RBMS3: variants seen among roughly 807,000 people sequenced by gnomAD.
The protein encoded by RBMS3 is RNA binding motif single stranded interacting protein 3.
RBMS3 carries 27 observed loss-of-function variants against 66.8 expected under a neutral mutation model. The observed-to-expected ratio is 0.40, with a 90% CI of 0.30 to 0.56. The LOEUF is 0.56. RBMS3 is among the 20% of genes least tolerant of loss of function. The pLI is 0.40. For missense variants in RBMS3, 513 were observed against 549.5 expected, an observed-to-expected ratio of 0.93 and a Z score of 0.66; for synonymous variants, 188 against 183.0, an observed-to-expected ratio of 1.03 and a Z score of -0.22.
chr3:29,718,373 A>G (rs1576606542), intron 4 of RBMS3, among the ~76,000 whole-genome samples: 1 of 152,076 alleles, frequency 6.6e-6, no homozygotes, highest in Middle Eastern at 3.4e-3. Context: ...ATTTTAGTGC[A>G]TTAAGTTTAT....
intron 1 of RBMS3, among the ~76,000 whole-genome samples, chr3:29,292,748 G>T (rs2032924646): frequency 6.6e-6 from 1 of 151,760 alleles, no homozygotes; most frequent in Admixed American, 6.6e-5. Flanking sequence ...AAAATAAAGA[G>T]AAGAAAGAGA....
intron 4 of RBMS3, chr3:29,614,369 G>A (rs866715446): frequency 6.6e-6 from 1 of 152,048 alleles, no homozygotes; most frequent in South Asian, 2.1e-4. Context: ...TTATTGACAA[G>A]AGAAATAAGT....
chr3:29,436,090 T>C (rs2041394045), intron 2 of RBMS3, among the ~76,000 whole-genome samples: 1 of 152,262 alleles, frequency 6.6e-6, no homozygotes, highest in Non-Finnish European at 1.5e-5. Context: ...TGTGTATTTT[T>C]AAATTTTAAA....
chr3:29,865,920 G>A (rs1230279924), intron 6 of RBMS3, among the ~76,000 whole-genome samples: 3 of 152,058 alleles, frequency 2.0e-5, no homozygotes, highest in South Asian at 2.1e-4. Context: ...TGTGTGACCC[G>A]TAGCGAGCCA....
intron 4 of RBMS3, among the ~76,000 whole-genome samples, chr3:29,651,565 A>G (rs1023321434): frequency 2.6e-5 from 4 of 152,186 alleles, no homozygotes; most frequent in Non-Finnish European, 4.4e-5. Flanking sequence ...AAGAAAACAT[A>G]CAAGTGTACA....
intron 4 of RBMS3, among the ~76,000 whole-genome samples, chr3:29,712,340 T>C (rs1245564637): frequency 6.6e-6 from 1 of 152,068 alleles, no homozygotes; most frequent in Non-Finnish European, 1.5e-5. Context: ...TGAGACAGGG[T>C]CTCACTCTGT....
chr3:29,375,043 A>G (rs1052859490), intron 1 of RBMS3, among the ~76,000 whole-genome samples: 2 of 152,224 alleles, frequency 1.3e-5, no homozygotes, highest in African/African-American at 4.8e-5. Flanking sequence ...TAGAGAACTC[A>G]GAACTGAGTC....
chr3:29,388,560 A>G (rs933181142), intron 1 of RBMS3, among the ~76,000 whole-genome samples: 2 of 152,136 alleles, frequency 1.3e-5, no homozygotes, highest in African/African-American at 4.8e-5. Flanking sequence ...CCCACTGCCA[A>G]TCTGTGCACT....
chr3:29,553,010 C>A (rs2046228768), intron 3 of RBMS3, among the ~76,000 whole-genome samples: 1 of 152,118 alleles, frequency 6.6e-6, no homozygotes, highest in African/African-American at 2.4e-5. Flanking sequence ...AGTTTGCAAC[C>A]TGCGAATAGG....
chr3:29,601,462 C>T (rs2048140782), intron 4 of RBMS3, among the ~76,000 whole-genome samples: 2 of 151,878 alleles, frequency 1.3e-5, no homozygotes, highest in Admixed American at 1.3e-4. Context: ...TTCAAATGGT[C>T]TCCATATAGA....
At chr3:29,985,033 G>T (rs62235530) in intron 12 of RBMS3, among the ~76,000 whole-genome samples, 21,556 of 152,262 alleles carry the variant, frequency 0.14, 1,797 homozygotes, top group Middle Eastern at 0.22. Context: ...GTCCCAGGGA[G>T]ATGGGTGTTT....
chr3:29,289,720 A>G (rs2032663998), intron 1 of RBMS3, among the ~76,000 whole-genome samples: 1 of 151,848 alleles, frequency 6.6e-6, no homozygotes, highest in African/African-American at 2.4e-5. Context: ...TGTTGTGTGG[A>G]AAGTAAGGTA....
At chr3:29,793,243 A>AAAAAGG (rs1194806551) in intron 6 of RBMS3, among the ~76,000 whole-genome samples, 2 of 149,608 alleles carry the variant, frequency 1.3e-5, no homozygotes, top group African/African-American at 2.5e-5. Context: ...AAAAAAAAAG[A>AAAAAGG]AAAAGGAAAA....
intron 8 of RBMS3, among the ~76,000 whole-genome samples, chr3:29,893,671 A>G (rs566401967): frequency 6.6e-6 from 1 of 151,614 alleles, no homozygotes; most frequent in African/African-American, 2.4e-5. Context: ...GCAAACCTTG[A>G]TTTTTCATAG....
chr3:29,346,227 TGGCTTAGCA>T (rs1469858855), intron 1 of RBMS3, among the ~76,000 whole-genome samples: 3 of 152,290 alleles, frequency 2.0e-5, no homozygotes, highest in Non-Finnish European at 2.9e-5. Flanking sequence ...TACCATCAGA[TGGCTTAGCA>T]CATAGTAGGG....
intron 6 of RBMS3, among the ~76,000 whole-genome samples, chr3:29,789,211 T>C (rs775366647): frequency 3.3e-5 from 5 of 152,100 alleles, no homozygotes; most frequent in Non-Finnish European, 7.4e-5. Flanking sequence ...CTTTAAAAAC[T>C]TGAATGGCAA....
intron 2 of RBMS3, among the ~76,000 whole-genome samples, chr3:29,443,035 T>A (rs1243836378): frequency 1.3e-5 from 2 of 152,152 alleles, no homozygotes; most frequent in African/African-American, 2.4e-5. Context: ...ATTTGTTTAG[T>A]TCTGGATCCA....
At chr3:29,409,469 T>C (rs1006322505) in intron 1 of RBMS3, among the ~76,000 whole-genome samples, 1 of 152,248 alleles carries the variant, frequency 6.6e-6, no homozygotes, top group Non-Finnish European at 1.5e-5. Context: ...GTACAAATTA[T>C]TGTCCCCAAA....
chr3:29,477,611 C>T (rs192366159), intron 2 of RBMS3, among the ~76,000 whole-genome samples: 12 of 151,798 alleles, frequency 7.9e-5, no homozygotes, highest in African/African-American at 2.4e-4. Context: ...ATCCAATTGC[C>T]ATCTCTAATA....
Sources: gnomAD v4.1 joint callset for allele counts (sites outside exome capture counted in the v4.1 genomes callset) on GRCh38, gnomAD v4.1.1 for gene constraint, MANE v1.5 for transcripts, NCBI Gene and HGNC (gene_info 2026-07-23, HGNC 2026-07-21) for gene names.